RAB11A: variants seen among roughly 807,000 people sequenced by gnomAD.
RAB11A encodes RAB11A, member RAS oncogene family, also known as ras-related protein Rab-11A.
RAB11A carries 9 observed loss-of-function variants against 28.0 expected under a neutral mutation model. The ratio of observed to expected loss-of-function variants is 0.32; its 90% CI spans 0.19 to 0.56. The LOEUF is 0.56. Among genes scored for constraint, RAB11A ranks in the 20% least tolerant of loss-of-function variants. RAB11A has a pLI of 0.91. For synonymous variants in RAB11A, 85 were observed against 88.2 expected (o/e 0.96, Z 0.20); for missense variants, 108 against 269.6 (o/e 0.40, Z 4.20).
intron 4 of RAB11A, among the ~76,000 whole-genome samples, chr15:65,881,367 C>G (rs573616896): frequency 6.6e-6 from 1 of 152,300 alleles, no homozygotes; most frequent in Admixed American, 6.5e-5. Flanking sequence ...CACTTTGCTT[C>G]TACTCCCCGT....
chr15:65,879,802 G>C (rs781739039), intron 4 of RAB11A, 51 bp downstream of exon 4: 3 of 1,383,324 alleles, frequency 2.2e-6, no homozygotes, highest in South Asian at 1.2e-5. Flanking sequence ...GTTTTAGGAA[G>C]GTAATTTAAA....
intron 4 of RAB11A, among the ~76,000 whole-genome samples, chr15:65,885,683 A>G (rs530993785): frequency 3.9e-5 from 6 of 152,216 alleles, no homozygotes; most frequent in Non-Finnish European, 8.8e-5. Flanking sequence ...TTTTTATATC[A>G]TTTAGATTTC....
At chr15:65,872,337 G>T (rs1216902732) in intron 1 of RAB11A, among the ~76,000 whole-genome samples, 1 of 151,600 alleles carries the variant, frequency 6.6e-6, no homozygotes, top group South Asian at 2.1e-4. Flanking sequence ...TAGGAACTTC[G>T]AATGCATTTT....
chr15:65,874,914 G>A (rs921882970), intron 1 of RAB11A, among the ~76,000 whole-genome samples: 10 of 152,258 alleles, frequency 6.6e-5, no homozygotes, highest in African/African-American at 2.2e-4. Flanking sequence ...TGAGCGTGTT[G>A]GCATGTGCCT....
At chr15:65,874,440 C>T (rs1393822469) in intron 1 of RAB11A, among the ~76,000 whole-genome samples, 1 of 151,972 alleles carries the variant, frequency 6.6e-6, no homozygotes, top group East Asian at 1.9e-4. Context: ...GAGGTTTCTC[C>T]ATGTTGGTCA....
chr15:65,869,573 C>G lies in RAB11A; in HGVS notation c.-13C>G. The G allele has an allele frequency of 1.2e-6, 2 of 1,610,486 alleles. No homozygotes were observed. The highest frequency in any genetic ancestry group is 1.7e-6 in the Non-Finnish European group (2 of 1,179,796). ...CCACTGCTGCTCCCGCCCTTTCGCT[C>G]CTCGGCCGCGCAATGGGCACCCGCG... On this transcript the variant is annotated 5_prime_UTR_variant, in exon 1 of 5. Coordinates refer to ENST00000261890, the MANE Select transcript of RAB11A (RefSeq NM_004663.5).
Position 65,877,286 on chromosome 15 carries a change from A to G in RAB11A, c.41-46A>G, listed in dbSNP as rs1227025663. On this transcript the variant is annotated intron_variant, in intron 1 of 4. Coordinates refer to ENST00000261890, the MANE Select transcript of RAB11A (RefSeq NM_004663.5). The surrounding 1 kb of genome is among the most constrained non-coding windows in gnomAD (Gnocchi z 4.1). Reference sequence around the variant, plus strand: ...TGTTGAAAGCATAGTGGTGTTCTGAATATGTTTGCCTCATTCATCTGACAT... The same window carrying G: ...TGTTGAAAGCATAGTGGTGTTCTGAGTATGTTTGCCTCATTCATCTGACAT... 2 of 1,472,892 alleles carry G rather than the reference A, an allele frequency of 1.4e-6. No homozygotes were observed. The highest frequency in any genetic ancestry group is 1.9e-6 in the Non-Finnish European group (2 of 1,073,378). 91.2% of individuals were successfully genotyped at this position (1,472,892 alleles called of 1,614,324 possible).
intron 1 of RAB11A, among the ~76,000 whole-genome samples, chr15:65,875,867 A>G (rs2414891): frequency 0.15 from 22,603 of 152,018 alleles, 2,741 homozygotes; most frequent in East Asian, 0.62. Context: ...GAATGGTCTT[A>G]CTCCTTGGCC....
rs2078272254 is a variant in RAB11A, at chr15:65,889,274, A to C, written c.*1434A>C. 1 of 152,254 alleles carries C rather than the reference A, an allele frequency of 6.6e-6. No individual in the cohort carries two copies. Among genetic ancestry groups the C allele is most frequent in the Non-Finnish European group, 1.5e-5 (1 of 68,036 alleles). The allele number at this position is 152,254 out of a possible 1,614,324, so 9.4% of individuals were successfully genotyped here. ...TGGGGCACACGGAAGGCATTGCTGT[A>C]GTCAGTCATTTTGGTTTTCTTCTAT... is the stretch of plus-strand genomic sequence containing the variant. On this transcript the variant is annotated 3_prime_UTR_variant, in exon 5 of 5. Transcript: ENST00000261890.
At chr15:65,872,963 A>G (rs977870394) in intron 1 of RAB11A, among the ~76,000 whole-genome samples, 5 of 152,158 alleles carry the variant, frequency 3.3e-5, no homozygotes, top group African/African-American at 7.2e-5. Flanking sequence ...GCAATAGTTG[A>G]GGGAATTGGA....
intron 1 of RAB11A, among the ~76,000 whole-genome samples, chr15:65,874,335 C>T (rs117017612): frequency 0.013 from 1,903 of 152,046 alleles, 25 homozygotes; most frequent in South Asian, 0.021. Flanking sequence ...CTCCGCCTCC[C>T]GCTTCAAGCA....
At chr15:65,874,572 A>G (rs887557315) in intron 1 of RAB11A, among the ~76,000 whole-genome samples, 7 of 152,098 alleles carry the variant, frequency 4.6e-5, no homozygotes, top group Admixed American at 1.3e-4. Context: ...ACATTCATGA[A>G]TTTTGAGTTA....
At position 65,869,593 on chromosome 15, in the gene RAB11A, C is replaced by T; in HGVS notation, c.8C>T (p.Thr3Ile). ...TCGCTCCTCGGCCGCGCAATGGGCA[C>T]CCGCGACGACGAGTACGACTACCTC... MGTRDDEYDYLFK... is the reference protein window; with the variant it reads MGIRDDEYDYLFK... Residue 3 changes from threonine to isoleucine, a missense_variant, in exon 1 of 5, where the codon ACC becomes ATC. Coordinates refer to ENST00000261890, the MANE Select transcript of RAB11A (RefSeq NM_004663.5). The T allele has an allele frequency of 6.2e-7, 1 of 1,611,420 alleles. No homozygotes were observed. Among genetic ancestry groups the T allele is most frequent in the East Asian group, 2.2e-5 (1 of 44,868 alleles).
chr15:65,878,086 G>A (rs777300441), intron 3 of RAB11A, 131 bp downstream of exon 3: 4 of 980,370 alleles, frequency 4.1e-6, no homozygotes, highest in Non-Finnish European at 6.5e-6. Context: ...TGTTTTGAAA[G>A]TTTGTGATGA....
intron 4 of RAB11A, among the ~76,000 whole-genome samples, chr15:65,881,116 T>G (rs1216731464): frequency 6.6e-6 from 1 of 152,240 alleles, no homozygotes; most frequent in Non-Finnish European, 1.5e-5. Context: ...ATAATTCTTT[T>G]CTGTTATCAG....
intron 4 of RAB11A, among the ~76,000 whole-genome samples, chr15:65,885,820 G>C (rs1290130250): frequency 6.6e-6 from 1 of 152,200 alleles, no homozygotes; most frequent in Non-Finnish European, 1.5e-5. Flanking sequence ...GTTTTCTCTG[G>C]GGAGAACCAG....
chr15:65,878,271 A>G (rs1335335968), intron 3 of RAB11A, among the ~76,000 whole-genome samples: 1 of 152,226 alleles, frequency 6.6e-6, no homozygotes. Flanking sequence ...TCAGGGACCA[A>G]CAGGGATGCA....
At chr15:65,878,991 T>C (rs1258599338) in intron 3 of RAB11A, among the ~76,000 whole-genome samples, 1 of 56,760 alleles carries the variant, frequency 1.8e-5, no homozygotes, top group Non-Finnish European at 3.4e-5. Context: ...AATTTCTCAC[T>C]TTTTTTTTTT....
intron 4 of RAB11A, among the ~76,000 whole-genome samples, chr15:65,887,454 G>A (rs1030963162): frequency 6.6e-6 from 1 of 152,124 alleles, no homozygotes; most frequent in Non-Finnish European, 1.5e-5. Context: ...AGATTTATTT[G>A]ACTGGTGAAC....
Sources: allele counts gnomAD v4.1 joint callset (sites outside exome capture counted in the v4.1 genomes callset), GRCh38; gene constraint gnomAD v4.1.1; non-coding constraint Gnocchi (gnomAD v3.1); transcripts MANE v1.5; gene names NCBI Gene and HGNC (gene_info 2026-07-23, HGNC 2026-07-21).